The following HSD11B1 variants were observed in gnomAD, a reference collection of about 807,000 sequenced individuals.
HSD11B1 encodes the protein hydroxysteroid 11-beta dehydrogenase 1, also known as 11-beta-hydroxysteroid dehydrogenase 1.
In HSD11B1, 15 loss-of-function variants were observed where a neutral mutation model predicts 22.1. That is an observed-to-expected ratio of 0.68 (90% CI 0.45 to 1.04). HSD11B1 has a LOEUF of 1.04. Among genes scored for constraint, HSD11B1 ranks in the 50% least tolerant of loss-of-function variants. The probability of loss-of-function intolerance (pLI) is 0.00; values close to 1 mark genes in which losing one functional copy is unlikely to be tolerated. For missense variants in HSD11B1, 281 were observed against 357.6 expected (o/e 0.79, Z 1.73); for synonymous variants, 122 against 125.2 (o/e 0.97, Z 0.17).
At chr1:209,704,630 A>G (rs2076844864), upstream of HSD11B1, among the ~76,000 whole-genome samples, 1 of 152,204 alleles carries the variant, frequency 6.6e-6, no homozygotes, top group African/African-American at 2.4e-5. Context: ...GGACTCGGGT[A>G]GGGATGCTCA....
chr1:209,724,851 T>C (rs549863860), intron 4 of HSD11B1, among the ~76,000 whole-genome samples: 1 of 152,362 alleles, frequency 6.6e-6, no homozygotes, highest in African/African-American at 2.4e-5. Flanking sequence ...CTCTCTTCTC[T>C]TCATTTTTTT....
intron 4 of HSD11B1, among the ~76,000 whole-genome samples, chr1:209,732,186 A>AT (rs1024075415): frequency 2.0e-5 from 3 of 152,186 alleles, no homozygotes; most frequent in African/African-American, 7.2e-5. Context: ...CAGCTTGTTT[A>AT]TCACCCTTAC....
chr1:209,725,290 CA>C (rs1411676587), intron 4 of HSD11B1, among the ~76,000 whole-genome samples: 1 of 152,158 alleles, frequency 6.6e-6, no homozygotes, highest in Admixed American at 6.5e-5. Flanking sequence ...AGAAAAAATA[CA>C]ATAAACTTTG....
At chr1:209,708,121 T>A (rs2076872137) in intron 4 of HSD11B1, among the ~76,000 whole-genome samples, 1 of 152,156 alleles carries the variant, frequency 6.6e-6, no homozygotes, top group South Asian at 2.1e-4. Flanking sequence ...TCAGAAGCCA[T>A]CACCAGTAAA....
intron 1 of HSD11B1, among the ~76,000 whole-genome samples, chr1:209,697,884 C>CTTTTTTTTTCTTTTTTTT (rs2076800668): frequency 2.4e-5 from 1 of 41,586 alleles, no homozygotes; most frequent in Non-Finnish European, 4.5e-5. Context: ...TTGTTTTTTC[C>CTTTTTTTTTCTTTTTTTT]TTTTTTTTTT....
intron 4 of HSD11B1, among the ~76,000 whole-genome samples, chr1:209,715,201 G>A (rs1172973799): frequency 6.6e-6 from 1 of 152,150 alleles, no homozygotes; most frequent in Non-Finnish European, 1.5e-5. Context: ...TTACAAATAT[G>A]AAAAGGAAGA....
At position 209,726,475 on chromosome 1, in the gene HSD11B1, A is replaced by G. The variant is rs139845102; in HGVS notation, c.518-5961A>G. ...AAATAAATTAGCCAAGCACAGTGGC[A>G]TGCATCTGTAATCCCAGCAACTCAG... On this transcript the variant is annotated intron_variant, in intron 4 of 5. Coordinates refer to ENST00000367027, the MANE Select transcript of HSD11B1 (RefSeq NM_005525.4). 2.4e-3 allele frequency among the ~76,000 whole-genome samples: 365 copies of G among 152,178 alleles called. 2 individuals are homozygous for G. Among genetic ancestry groups the G allele is most frequent in the African/African-American group, 8.3e-3 (346 of 41,518 alleles).
chr1:209,713,880 G>A (rs2102380715), intron 4 of HSD11B1, among the ~76,000 whole-genome samples: 1 of 152,280 alleles, frequency 6.6e-6, no homozygotes, highest in Middle Eastern at 3.4e-3. Flanking sequence ...AAAATCCATG[G>A]ATACAGAGGG....
At chr1:209,715,020 C>T (rs74691862) in intron 4 of HSD11B1, among the ~76,000 whole-genome samples, 3,136 of 152,146 alleles carry the variant, frequency 0.021, 113 homozygotes, top group African/African-American at 0.07. Context: ...ATGGGCAGCC[C>T]GACATAGGGT....
chr1:209,700,518 G>A (rs2076820351), upstream of HSD11B1, among the ~76,000 whole-genome samples: 1 of 152,192 alleles, frequency 6.6e-6, no homozygotes. Flanking sequence ...TTTCCTCCTA[G>A]GCTCCAGGCC....
At chr1:209,727,676 T>C (rs1204965577) in intron 4 of HSD11B1, among the ~76,000 whole-genome samples, 1 of 152,210 alleles carries the variant, frequency 6.6e-6, no homozygotes, top group Non-Finnish European at 1.5e-5. Flanking sequence ...TGAATCCTGC[T>C]TCTCCCACTC....
chr1:209,720,132 C>T (rs1393190568), intron 4 of HSD11B1, among the ~76,000 whole-genome samples: 1 of 151,564 alleles, frequency 6.6e-6, no homozygotes, highest in African/African-American at 2.4e-5. Flanking sequence ...TTTTAAGTAC[C>T]ACCCGAAAAA....
intron 5 of HSD11B1, among the ~76,000 whole-genome samples, chr1:209,733,380 C>G (rs184562287): frequency 6.6e-6 from 1 of 152,022 alleles, no homozygotes; most frequent in Non-Finnish European, 1.5e-5. Context: ...TCAAGGCCAT[C>G]AGAGACAAGG....
At chr1:209,696,914 G>C (rs1379639187) in intron 1 of HSD11B1, among the ~76,000 whole-genome samples, 2 of 152,248 alleles carry the variant, frequency 1.3e-5, no homozygotes, top group African/African-American at 4.8e-5. Flanking sequence ...GTGAAGTGCT[G>C]ATGGAGGGTG....
intron 4 of HSD11B1, among the ~76,000 whole-genome samples, chr1:209,731,661 C>T (rs1396800696): frequency 6.6e-6 from 1 of 152,176 alleles, no homozygotes; most frequent in Non-Finnish European, 1.5e-5. Context: ...ATTAACCAGT[C>T]TGGTGAACAT....
Position 209,732,599 on chromosome 1 carries a change from T to C in HSD11B1, c.661+20T>C, listed in dbSNP as rs78093453. The C allele has an allele frequency of 6.3e-7, 1 of 1,579,014 alleles. No homozygotes were observed. Among genetic ancestry groups the C allele is most frequent in the East Asian group, 2.2e-5 (1 of 44,610 alleles). ...ACACAGGTAAGGTCAATACTTTGTG[T>C]TTTTTTTTAATTATTATACTTTAAG... On this transcript the variant is annotated intron_variant, in intron 5 of 5. Coordinates refer to ENST00000367027, the MANE Select transcript of HSD11B1 (RefSeq NM_005525.4).
intron 1 of HSD11B1, among the ~76,000 whole-genome samples, chr1:209,696,060 G>A (rs949082128): frequency 2.6e-5 from 4 of 152,148 alleles, no homozygotes; most frequent in South Asian, 2.1e-4. Context: ...GTTACAATAC[G>A]GAAGAATCTC....
chr1:209,714,407 G>A (rs1406749162), intron 4 of HSD11B1, among the ~76,000 whole-genome samples: 1 of 152,188 alleles, frequency 6.6e-6, no homozygotes, highest in Non-Finnish European at 1.5e-5. Context: ...CTTAAAGGCA[G>A]GCACATTGTT....
intron 4 of HSD11B1, among the ~76,000 whole-genome samples, chr1:209,711,529 G>A (rs1438187825): frequency 6.6e-6 from 1 of 152,120 alleles, no homozygotes; most frequent in African/African-American, 2.4e-5. Flanking sequence ...CCATGTGAAC[G>A]TAAGCATTTA....
Sources: allele counts gnomAD v4.1 joint callset (sites outside exome capture counted in the v4.1 genomes callset), GRCh38; gene constraint gnomAD v4.1.1; transcripts MANE v1.5; gene names NCBI Gene and HGNC (gene_info 2026-07-23, HGNC 2026-07-21).